The following BCL7C variants were observed in gnomAD, a reference collection of about 807,000 sequenced individuals.
BCL7C encodes the protein BAF chromatin remodeling complex subunit BCL7C.
A neutral mutation model predicts 26.2 loss-of-function variants in BCL7C; 8 were observed. The ratio of observed to expected loss-of-function variants is 0.30; its 90% CI spans 0.18 to 0.55. BCL7C has a LOEUF of 0.55. BCL7C is among the 20% of genes least tolerant of loss of function. BCL7C has a pLI of 0.93. For missense variants in BCL7C, 262 were observed against 298.5 expected, an observed-to-expected ratio of 0.88 and a Z score of 0.90; for synonymous variants, 90 against 116.5, an observed-to-expected ratio of 0.77 and a Z score of 1.47.
chr16:30,850,822 A>G (rs1398474291), intron 5 of BCL7C, among the ~76,000 whole-genome samples: 3 of 152,196 alleles, frequency 2.0e-5, no homozygotes, highest in Non-Finnish European at 4.4e-5. Context: ...CTGGGACATT[A>G]TGGTACACCA....
rs556713289 is a variant in BCL7C, at chr16:30,858,271, G to C, written c.529-23123C>G. 2.8e-4 allele frequency among the ~76,000 whole-genome samples: 42 copies of C among 152,220 alleles called. No homozygotes were observed. The South Asian group carries it at 7.0e-3, about 26-fold the overall frequency. On this transcript the variant is annotated intron_variant, in intron 5 of 5. Transcript: ENST00000380317. ...TCCTTTCCAGACCTAAGTCATTAGC[G>C]GACCCAGAGCTCCTTGATTGAAGGA...
At chr16:30,892,352 G>A (rs763168205) in intron 4 of BCL7C, among the ~76,000 whole-genome samples, 14 of 134,082 alleles carry the variant, frequency 1.0e-4, no homozygotes, top group Non-Finnish European at 2.1e-4. Flanking sequence ...TGAGGAGAAA[G>A]ATAAACTAGT....
chr16:30,877,428 C>T (rs561557856), intron 5 of BCL7C, among the ~76,000 whole-genome samples: 5 of 147,368 alleles, frequency 3.4e-5, no homozygotes, highest in African/African-American at 1.0e-4. Context: ...GCACGTCACC[C>T]GGCCTGAGTC....
At chr16:30,879,373 C>A (rs2055003678) in intron 5 of BCL7C, among the ~76,000 whole-genome samples, 1 of 152,046 alleles carries the variant, frequency 6.6e-6, no homozygotes, top group East Asian at 1.9e-4. Context: ...TCTTCTCCAC[C>A]CAGCAGAGTG....
At chr16:30,887,640 T>C (rs987018880), downstream of BCL7C, among the ~76,000 whole-genome samples, 1 of 151,854 alleles carries the variant, frequency 6.6e-6, no homozygotes, top group Non-Finnish European at 1.5e-5. Context: ...AGAGGCAGGG[T>C]CCTGGCTCAA....
At chr16:30,871,411 C>T (rs1021266379) in intron 5 of BCL7C, among the ~76,000 whole-genome samples, 3 of 152,110 alleles carry the variant, frequency 2.0e-5, no homozygotes, top group Admixed American at 2.0e-4. Context: ...AATAAGAGTA[C>T]TTACCTCACT....
intron 5 of BCL7C, among the ~76,000 whole-genome samples, chr16:30,854,938 T>TCCGCCTG (rs758523943): frequency 1.3e-5 from 2 of 152,162 alleles, no homozygotes; most frequent in Admixed American, 1.3e-4. Context: ...CCTCAAGTGA[T>TCCGCCTG]CCGCCTGCCT....
chr16:30,857,379 C>A, intron 5 of BCL7C, among the ~76,000 whole-genome samples: 1 of 108,660 alleles, frequency 9.2e-6, no homozygotes, highest in Admixed American at 1.2e-4. Context: ...CAGAGCGAGA[C>A]TCCATCTCAA....
intron 5 of BCL7C, among the ~76,000 whole-genome samples, chr16:30,846,865 G>A (rs141762054): frequency 6.6e-6 from 1 of 152,366 alleles, no homozygotes; most frequent in African/African-American, 2.4e-5. Context: ...ATTCCAGCTA[G>A]TGACGCTGTC....
In BCL7C at chr16:30,893,097, C is replaced by T; in HGVS notation, c.171+115G>A. The T allele has an allele frequency of 1.6e-6, 2 of 1,262,676 alleles. No homozygotes were observed. The highest frequency in any genetic ancestry group is 1.5e-5 in the African/African-American group (1 of 67,120). 78.2% of individuals were successfully genotyped at this position (1,262,676 alleles called of 1,614,324 possible). A position where few individuals can be genotyped will look rare whatever the true frequency, so the allele number is the denominator to read the frequency against. ...GGGGAGGAGCTGCTAATGATGGTTC[C>T]CGTCTGTCCTGCTGCATCTGAGGTC... On this transcript the variant is annotated intron_variant, in intron 2 of 5. Coordinates refer to ENST00000215115, the MANE Select transcript of BCL7C (RefSeq NM_004765.4). The surrounding 1 kb of genome is among the most constrained non-coding windows in gnomAD (Gnocchi z 5.2).
chr16:30,852,271 C>G (rs909635911), intron 5 of BCL7C: 1 of 152,300 alleles, frequency 6.6e-6, no homozygotes, highest in Non-Finnish European at 1.5e-5. Flanking sequence ...ATTTTTAACT[C>G]GAATAAGAAA....
Position 30,892,606 on chromosome 16 carries a change from G to A in BCL7C, c.422C>T (p.Pro141Leu), listed in dbSNP as rs769629157. The A allele has an allele frequency of 6.3e-7, 1 of 1,582,200 alleles. No individual in the cohort carries two copies. The highest frequency in any genetic ancestry group is 1.4e-5 in the African/African-American group (1 of 73,282). The stretch of plus-strand genomic sequence containing the variant: ...CCTACCTCTCTCTTGGCCCAGCCGT[G>A]GGGGCTGAGCCTCCTCAGGGACCCC... ...PEGVPEEAQP[P>L]RLGQERDPGG... The change falls in exon 4 of 6, where the codon CCA becomes CTA. Residue 141 changes from proline (P) to leucine (L), a missense_variant. Coordinates refer to ENST00000215115, the MANE Select transcript of BCL7C (RefSeq NM_004765.4).
At chr16:30,848,977 A>G (rs4889527) in intron 5 of BCL7C, among the ~76,000 whole-genome samples, 149,370 of 151,000 alleles carry the variant, frequency 0.99, 73,899 homozygotes, top group Middle Eastern at 1. Context: ...CACGAGGTCA[A>G]GAGATTGAGA....
chr16:30,871,182 C>T (rs1183782824), intron 5 of BCL7C, among the ~76,000 whole-genome samples: 1 of 152,120 alleles, frequency 6.6e-6, no homozygotes, highest in Non-Finnish European at 1.5e-5. Context: ...ACTCTGCTTC[C>T]CAAGTAGCTA....
At chr16:30,881,003 A>G (rs2055034595) in intron 5 of BCL7C, among the ~76,000 whole-genome samples, 1 of 152,156 alleles carries the variant, frequency 6.6e-6, no homozygotes, top group Non-Finnish European at 1.5e-5. Context: ...GTTAAAATTC[A>G]CTGAATCAAG....
intron 5 of BCL7C, among the ~76,000 whole-genome samples, chr16:30,856,439 TAAAAAA>T (rs61380254): frequency 8.6e-6 from 1 of 116,570 alleles, no homozygotes; most frequent in Non-Finnish European, 1.7e-5. Context: ...AGACTCCGTC[TAAAAAA>T]AAAAAAAAAA....
At chr16:30,888,089 G>T in intron 5 of BCL7C, 99 bp from the exon 6 acceptor site, 1 of 1,303,610 alleles carries the variant, frequency 7.7e-7, no homozygotes, top group Non-Finnish European at 1.0e-6. Flanking sequence ...CTCCCCTCCT[G>T]GGCCCGGGAG....
chr16:30,842,762 G>A (rs1470662306), intron 5 of BCL7C, among the ~76,000 whole-genome samples: 2 of 152,042 alleles, frequency 1.3e-5, no homozygotes, highest in Non-Finnish European at 2.9e-5. Context: ...TACAGACAGG[G>A]TATCACCGTG....
intron 5 of BCL7C, among the ~76,000 whole-genome samples, chr16:30,836,800 T>TG (rs1330450737): frequency 2.9e-4 from 44 of 151,264 alleles, no homozygotes; most frequent in African/African-American, 1.0e-3. Context: ...TGTATTTTTT[T>TG]TTTTGTTTTT....
Sources: gnomAD v4.1 joint callset for allele counts (sites outside exome capture counted in the v4.1 genomes callset) on GRCh38, gnomAD v4.1.1 for gene constraint, Gnocchi (gnomAD v3.1) non-coding constraint, MANE v1.5 for transcripts, NCBI Gene and HGNC (gene_info 2026-07-23, HGNC 2026-07-21) for gene names.